The following MGST1 variants were observed in gnomAD, a reference collection of about 807,000 sequenced individuals.
MGST1 encodes the protein microsomal glutathione S-transferase 1.
Under a neutral mutation model 8.9 loss-of-function variants are expected in MGST1, and 5 were observed. The ratio of observed to expected loss-of-function variants is 0.56; its 90% CI spans 0.29 to 1.19. The LOEUF (loss-of-function observed/expected upper bound fraction) is 1.19, where lower values mean the gene tolerates loss of function less well. Ranked by LOEUF, MGST1 falls within the 50% of genes most tolerant of loss-of-function variation. The probability of loss-of-function intolerance (pLI) is 0.08; values close to 1 mark genes in which losing one functional copy is unlikely to be tolerated. For synonymous variants in MGST1, 54 were observed against 67.8 expected (o/e 0.80, Z 1.00); for missense variants, 182 against 187.4 (o/e 0.97, Z 0.17).
chr12:16,496,749 A>C (rs1389271401), intron 4 of MGST1, among the ~76,000 whole-genome samples: 1 of 152,120 alleles, frequency 6.6e-6, no homozygotes, highest in Non-Finnish European at 1.5e-5. Flanking sequence ...GTTCTAAAGC[A>C]AATATTTTCA....
At chr12:16,425,236 T>A (rs1940875673) in intron 1 of MGST1, among the ~76,000 whole-genome samples, 1 of 152,170 alleles carries the variant, frequency 6.6e-6, no homozygotes, top group South Asian at 2.1e-4. Context: ...AAAATAGCCA[T>A]AATATCCATA....
In MGST1 at chr12:16,402,478, C is replaced by T. The variant is rs547242519; in HGVS notation, n.778+18874C>T. The T allele has an allele frequency of 2.4e-4, 367 of 1,508,802 alleles. 1 individual carries two copies. The highest frequency in any genetic ancestry group is 1.9e-3 in the Middle Eastern group (8 of 4,232). The allele number at this position is 1,508,802 out of a possible 1,614,324, so 93.5% of individuals were successfully genotyped here. On this transcript the variant is annotated intron_variant and non_coding_transcript_variant, in intron 1 of 1. Transcript: ENST00000359720. ...GAATCACGCGATGTCCCGGCTCTGC[C>T]ACCTGCTCTCGGCCCAGGAATCCCG... is the stretch of plus-strand genomic sequence containing the variant.
rs1423687277 is a variant in MGST1 at position 16,585,071 on chromosome 12, A to G, written n.483-4457A>G. Among the ~76,000 whole-genome samples, 1 of 152,222 alleles carries G rather than the reference A, an allele frequency of 6.6e-6. No individual in the cohort carries two copies. The highest frequency in any genetic ancestry group is 1.5e-5 in the Non-Finnish European group (1 of 68,036). The stretch of plus-strand genomic sequence containing the variant: ...TAGAAAAAATATCTGGTTTATCCAG[A>G]AAAATCAGCAACATTAGGCCCACAT... On this transcript the variant is annotated intron_variant and non_coding_transcript_variant, in intron 4 of 4. Coordinates refer to the MGST1 transcript ENST00000538857. This position sits in a 1 kb window ranked among gnomAD's most constrained non-coding sequence, Gnocchi z 4.7.
intron 4 of MGST1, among the ~76,000 whole-genome samples, chr12:16,542,219 G>C (rs980738834): frequency 6.6e-6 from 1 of 152,114 alleles, no homozygotes; most frequent in Non-Finnish European, 1.5e-5. Flanking sequence ...ATTCCTGGAT[G>C]CAAGAAAAAA....
chr12:16,387,163 C>CT (rs1187356879), intron 1 of MGST1, among the ~76,000 whole-genome samples: 3 of 152,084 alleles, frequency 2.0e-5, no homozygotes, highest in African/African-American at 7.2e-5. Context: ...ATAAATTAAA[C>CT]TTTATCATAG....
Position 16,401,957 on chromosome 12 carries a change from G to A in MGST1, n.778+18353G>A. On this transcript the variant is annotated intron_variant and non_coding_transcript_variant, in intron 1 of 1. Transcript: ENST00000359720. This position sits in a 1 kb window ranked among gnomAD's most constrained non-coding sequence, Gnocchi z 4.3. ...TATCTATTTTGTCAAAGCCTTCTTT[G>A]TTGAGGCAGTCATTCCAGCTCTTCA... 6.2e-7 allele frequency: 1 copy of A among 1,612,132 alleles called. No homozygotes were observed.
At chr12:16,538,257 A>C (rs943301368) in intron 4 of MGST1, among the ~76,000 whole-genome samples, 3 of 152,122 alleles carry the variant, frequency 2.0e-5, no homozygotes, top group Non-Finnish European at 4.4e-5. Context: ...CCTCATCTCC[A>C]TCTGAGACCA....
intron 1 of MGST1, among the ~76,000 whole-genome samples, chr12:16,433,899 T>G (rs748041817): frequency 5.9e-5 from 9 of 152,126 alleles, no homozygotes; most frequent in Non-Finnish European, 1.3e-4. Context: ...AGGAATCCAG[T>G]AGTCCATGTC....
chr12:16,569,650 A>G (rs892096765), intron 4 of MGST1, among the ~76,000 whole-genome samples: 1 of 152,154 alleles, frequency 6.6e-6, no homozygotes, highest in African/African-American at 2.4e-5. Context: ...AATTGTACCA[A>G]CATTTCATAG....
chr12:16,380,028 T>A (rs1441111285), downstream of MGST1, among the ~76,000 whole-genome samples: 2 of 152,230 alleles, frequency 1.3e-5, no homozygotes, highest in Non-Finnish European at 2.9e-5. Context: ...TCTATTTGAT[T>A]CTTTTTTCTT....
intron 1 of MGST1, among the ~76,000 whole-genome samples, chr12:16,425,931 C>T (rs1161258467): frequency 6.6e-6 from 1 of 152,168 alleles, no homozygotes; most frequent in Non-Finnish European, 1.5e-5. Flanking sequence ...TGAAATATCA[C>T]TTTCATTTGT....
chr12:16,366,675 A>C (rs1439116165), downstream of MGST1, among the ~76,000 whole-genome samples: 1 of 117,018 alleles, frequency 8.5e-6, no homozygotes, highest in Non-Finnish European at 1.6e-5. The surrounding 1 kb of genome is among the most constrained non-coding windows in gnomAD (Gnocchi z 4.0). Context: ...ATACACACAC[A>C]CATACTACCA....
chr12:16,487,512 C>T (rs1274013629), intron 4 of MGST1, among the ~76,000 whole-genome samples: 1 of 151,992 alleles, frequency 6.6e-6, no homozygotes, highest in Non-Finnish European at 1.5e-5. Flanking sequence ...TGCACGTAGA[C>T]ATTTAAGTGG....
At chr12:16,528,473 A>G (rs1941703023) in intron 4 of MGST1, among the ~76,000 whole-genome samples, 1 of 152,068 alleles carries the variant, frequency 6.6e-6, no homozygotes, top group Non-Finnish European at 1.5e-5. Context: ...TCCAATATTT[A>G]TGAAGCATTA....
intron 4 of MGST1, among the ~76,000 whole-genome samples, chr12:16,528,118 G>A (rs937666436): frequency 6.6e-6 from 1 of 152,030 alleles, no homozygotes; most frequent in Admixed American, 6.6e-5. Flanking sequence ...CTAGCCAGAT[G>A]ATGAATTAAC....
At chr12:16,422,436 A>G (rs1940847285) in intron 1 of MGST1, among the ~76,000 whole-genome samples, 1 of 152,146 alleles carries the variant, frequency 6.6e-6, no homozygotes, top group Non-Finnish European at 1.5e-5. Context: ...GCCTATTTTC[A>G]GCATGTGCCA....
intron 2 of MGST1, among the ~76,000 whole-genome samples, chr12:16,355,044 A>G (rs1939649668): frequency 6.6e-6 from 1 of 151,998 alleles, no homozygotes; most frequent in African/African-American, 2.4e-5. Context: ...GGTTCCCTTT[A>G]CAAAATTAAA....
At chr12:16,420,349 AAC>A (rs1323710147) in intron 1 of MGST1, among the ~76,000 whole-genome samples, 1 of 152,186 alleles carries the variant, frequency 6.6e-6, no homozygotes, top group Non-Finnish European at 1.5e-5. Context: ...ATCTAAGAAA[AAC>A]ACACATTACT....
intron 1 of MGST1, among the ~76,000 whole-genome samples, chr12:16,394,532 TTCTTTCTTTCTTTCTTTCTTTCTTTC>T (rs1459995931): frequency 1.3e-4 from 9 of 71,130 alleles, no homozygotes; most frequent in African/African-American, 3.3e-4. Flanking sequence ...CTTTCTTTCT[TTCTTTCTTTCTTTCTTTCTTTCTTTC>T]TTTCTTTCTT....
Sources: allele counts gnomAD v4.1 joint callset (sites outside exome capture counted in the v4.1 genomes callset), GRCh38; gene constraint gnomAD v4.1.1; non-coding constraint Gnocchi (gnomAD v3.1); transcripts MANE v1.5; gene names NCBI Gene and HGNC (gene_info 2026-07-23, HGNC 2026-07-21).